The following TRIP12 variants were observed in gnomAD, a reference collection of about 807,000 sequenced individuals.
TRIP12 encodes the protein E3 ubiquitin-protein ligase TRIP12.
TRIP12 carries 25 observed loss-of-function variants against 244.2 expected under a neutral mutation model. The observed-to-expected ratio is 0.10, with a 90% confidence interval of 0.07 to 0.14. The LOEUF is 0.14. Among genes scored for constraint, TRIP12 ranks in the 10% least tolerant of loss-of-function variants. The probability of loss-of-function intolerance (pLI) is 1.00; values close to 1 mark genes in which losing one functional copy is unlikely to be tolerated. For missense variants in TRIP12, 1,677 were observed against 2,486.4 expected (o/e 0.67, Z 6.92); for synonymous variants, 905 against 873.1 (o/e 1.04, Z -0.64).
intron 1 of TRIP12, among the ~76,000 whole-genome samples, chr2:229,891,196 G>C (rs2067265746): frequency 6.6e-6 from 1 of 152,060 alleles, no homozygotes; most frequent in Non-Finnish European, 1.5e-5. Flanking sequence ...TGAAGCGGTA[G>C]GATCACTTGA....
intron 39 of TRIP12, among the ~76,000 whole-genome samples, 178 bp from the exon 40 acceptor site, chr2:229,769,503 C>A (rs1450445481): frequency 5.3e-5 from 8 of 151,410 alleles, no homozygotes; most frequent in African/African-American, 1.7e-4. Flanking sequence ...TTAGAGATTC[C>A]ATTTCCTTTT....
intron 20 of TRIP12, among the ~76,000 whole-genome samples, chr2:229,802,770 TAATCAACTACAGAA>T: frequency 6.6e-6 from 1 of 152,152 alleles, no homozygotes; most frequent in African/African-American, 2.4e-5. Context: ...ATAAAAACAA[TAATCAACTACAGAA>T]ATACAGTGCA....
intron 4 of TRIP12, among the ~76,000 whole-genome samples, chr2:229,853,937 T>C (rs1277216001): frequency 3.9e-5 from 6 of 152,182 alleles, no homozygotes; most frequent in Admixed American, 2.0e-4. Context: ...GCAATGTACA[T>C]GTATTAATAT....
chr2:229,890,424 G>A (rs911806585), intron 1 of TRIP12, among the ~76,000 whole-genome samples: 2 of 152,114 alleles, frequency 1.3e-5, no homozygotes, highest in African/African-American at 4.8e-5. Context: ...CTTTAACATA[G>A]TTCAGATTAG....
chr2:229,829,430 C>A, intron 7 of TRIP12, 142 bp from the exon 8 acceptor site: 1 of 627,140 alleles, frequency 1.6e-6, no homozygotes, highest in South Asian at 2.3e-5. Flanking sequence ...AGAGAAGCTA[C>A]AAACTTTCAA....
At chr2:229,833,926 A>C (rs1021968003) in intron 6 of TRIP12, among the ~76,000 whole-genome samples, 1 of 152,234 alleles carries the variant, frequency 6.6e-6, no homozygotes, top group African/African-American at 2.4e-5. Context: ...GTAGTAGTAT[A>C]GAGATAGCTG....
In TRIP12 at chr2:229,766,803, C is replaced by G. The variant is rs886260079; in HGVS notation, c.*751G>C. On this transcript the variant is annotated 3_prime_UTR_variant, in exon 42 of 42. Coordinates refer to ENST00000675903, the MANE Select transcript of TRIP12 (RefSeq NM_001348323.3). ...GTTGCTGCTGGAATTGCCATGTAAA[C>G]AGTCCTTAGTGTGTCACCTGGGAAA... 1 of 152,186 alleles carries G rather than the reference C, an allele frequency of 6.6e-6. No homozygotes were observed. The highest frequency in any genetic ancestry group is 6.5e-5 in the Admixed American group (1 of 15,276). The allele number at this position is 152,186 out of a possible 1,614,324, so 9.4% of individuals were successfully genotyped here. A position where few individuals can be genotyped will look rare whatever the true frequency, so the allele number is the denominator to read the frequency against.
At chr2:229,921,377 C>T (rs34360232) in intron 1 of TRIP12, 38,269 of 152,696 alleles carry the variant, frequency 0.25, 5,925 homozygotes, top group Middle Eastern at 0.43. Context: ...TCCACGGCCC[C>T]GGAGCCTCCC....
intron 9 of TRIP12, 26 bp downstream of exon 9, chr2:229,818,338 A>G (rs2049027547): frequency 1.2e-6 from 2 of 1,610,902 alleles, no homozygotes; most frequent in East Asian, 4.5e-5. Context: ...AATGAGGTAA[A>G]AACGAGGGAA....
At position 229,855,618 on chromosome 2, in the gene TRIP12, AAAAAAAG is replaced by A. The variant is rs1288193679; in HGVS notation, c.1027+3147_1027+3153del. ...AACAAGGGTTTAAAAAAAAAAAAAA[AAAAAAAG>A]AGAAAAGAAAATGCTTCATTCAAGG... On this transcript the variant is annotated intron_variant, in intron 4 of 41. Transcript: ENST00000675903. 6.2e-4 allele frequency among the ~76,000 whole-genome samples: 79 copies of A among 127,586 alleles called. 1 individual carries two copies. Among genetic ancestry groups the A allele is most frequent in the Admixed American group, 4.2e-3 (49 of 11,762 alleles). The allele number at this position is 127,586 out of a possible 152,430, so 83.7% of individuals were successfully genotyped here.
chr2:229,775,386 TAA>T (rs373514087), intron 37 of TRIP12, among the ~76,000 whole-genome samples: 118 of 129,734 alleles, frequency 9.1e-4, no homozygotes, highest in Middle Eastern at 4.0e-3. Context: ...CACAAAGATT[TAA>T]AAAAAAAAAA....
rs932491008 is a variant in TRIP12 at position 229,795,111 on chromosome 2, C to T, written c.3968+68G>A. On this transcript the variant is annotated intron_variant, in intron 26 of 41. Transcript: ENST00000675903. Reference sequence around the variant, plus strand: ...ATCAAGACTTTACCAGACCTCTTGCCATCTTACTTCAGTGAAATTAAGTAC... The same window carrying T: ...ATCAAGACTTTACCAGACCTCTTGCTATCTTACTTCAGTGAAATTAAGTAC... 3.9e-6 allele frequency: 6 copies of T among 1,541,252 alleles called. No individual in the cohort carries two copies. The African/African-American group carries it at 4.1e-5, about 11-fold the overall frequency.
intron 2 of TRIP12, among the ~76,000 whole-genome samples, chr2:229,872,083 T>C (rs1177022197): frequency 1.6e-5 from 2 of 124,756 alleles, no homozygotes; most frequent in South Asian, 2.4e-4. Context: ...ACTGATAATA[T>C]AGTTTTAATG....
chr2:229,783,350 C>G (rs1343766965), intron 34 of TRIP12, among the ~76,000 whole-genome samples: 4 of 152,136 alleles, frequency 2.6e-5, no homozygotes, highest in Non-Finnish European at 5.9e-5. Flanking sequence ...CCCACAAAAC[C>G]TGAAATATTT....
rs533736797 is a variant in TRIP12, at chr2:229,910,988, G to A, written c.-50+10892C>T. Among the ~76,000 whole-genome samples, 12 of 152,312 alleles carry A rather than the reference G, an allele frequency of 7.9e-5. No individual in the cohort carries two copies. The East Asian group carries it at 2.3e-3, about 29-fold the overall frequency. On this transcript the variant is annotated intron_variant, in intron 1 of 41. Transcript: ENST00000675903. ...GGGCACAAATGCATTTGGACCTGGG[G>A]TGGAAGGGTAGAGAGCAGGGTCAAA... is the stretch of plus-strand genomic sequence containing the variant.
intron 6 of TRIP12, among the ~76,000 whole-genome samples, chr2:229,835,226 G>C (rs78392421): frequency 6.6e-6 from 1 of 152,150 alleles, no homozygotes; most frequent in Non-Finnish European, 1.5e-5. Context: ...CATGCCACAT[G>C]TATTTTTTAT....
rs1004559091 is a variant in TRIP12, at chr2:229,788,994, T to C, written c.4696-54A>G. 15 of 1,500,010 alleles carry C rather than the reference T, an allele frequency of 1.0e-5. No individual in the cohort carries two copies. The African/African-American group carries it at 1.3e-4, about 13-fold the overall frequency. 92.9% of individuals were successfully genotyped at this position (1,500,010 alleles called of 1,614,324 possible). ...TACATGTAGTAAAATATTAGGATTATATTCACAATCTCTTCCATTATCCCC... is the reference window on the plus strand; with the variant it reads ...TACATGTAGTAAAATATTAGGATTACATTCACAATCTCTTCCATTATCCCC... On this transcript the variant is annotated intron_variant, in intron 31 of 41. Transcript: ENST00000675903.
At chr2:229,907,661 A>AGGCATGGT (rs879441753) in intron 1 of TRIP12, among the ~76,000 whole-genome samples, 1 of 152,150 alleles carries the variant, frequency 6.6e-6, no homozygotes, top group African/African-American at 2.4e-5. Context: ...AAAATTAACC[A>AGGCATGGT]GGCATGGTGG....
chr2:229,897,915 A>C (rs2069353549), intron 1 of TRIP12, among the ~76,000 whole-genome samples: 1 of 152,230 alleles, frequency 6.6e-6, no homozygotes, highest in Admixed American at 6.5e-5. Flanking sequence ...GCCACAAGTT[A>C]ACCAGGATTC....
Sources: allele counts gnomAD v4.1 joint callset (sites outside exome capture counted in the v4.1 genomes callset), GRCh38; gene constraint gnomAD v4.1.1; transcripts MANE v1.5; gene names NCBI Gene and HGNC (gene_info 2026-07-23, HGNC 2026-07-21).